Variants in GTF2F2 observed in about 807,000 individuals in gnomAD.
The protein encoded by GTF2F2 is general transcription factor IIF subunit 2, also known as ATP-dependent helicase GTF2F2.
A neutral mutation model predicts 42.2 loss-of-function variants in GTF2F2; 23 were observed. The observed-to-expected ratio is 0.55, with a 90% CI of 0.39 to 0.77. The LOEUF (loss-of-function observed/expected upper bound fraction) is 0.77, where lower values mean the gene tolerates loss of function less well. GTF2F2 is among the 30% of genes least tolerant of loss of function. GTF2F2 has a pLI of 0.00. For missense variants in GTF2F2, 261 were observed against 287.2 expected (o/e 0.91, Z 0.66); for synonymous variants, 105 against 100.8 (o/e 1.04, Z -0.25).
intron 4 of GTF2F2, among the ~76,000 whole-genome samples, chr13:45,154,547 A>T (rs370404149): frequency 1.8e-4 from 27 of 152,316 alleles, no homozygotes; most frequent in African/African-American, 5.3e-4. Context: ...AGTTGCTATT[A>T]GTTATAATAC....
At position 45,173,612 on chromosome 13, in the gene GTF2F2, ATTTTT is replaced by A. The variant is rs56033747; in HGVS notation, c.304+21800_304+21804del. On this transcript the variant is annotated intron_variant, in intron 4 of 7. Coordinates refer to ENST00000340473, the MANE Select transcript of GTF2F2 (RefSeq NM_004128.3). ...TGTTCTGCATTTTTATAACTTTGTC[ATTTTT>A]TTTTTTTTTTTTTTTTTTGAGATGG... 3.2e-5 allele frequency among the ~76,000 whole-genome samples: 3 copies of A among 93,688 alleles called. No homozygotes were observed. The South Asian group carries it at 1.1e-3, about 34-fold the overall frequency. The allele number at this position is 93,688 out of a possible 152,430, so 61.5% of individuals were successfully genotyped here.
rs1869554704 is a variant in GTF2F2 at position 45,135,195 on chromosome 13, CTG to C, written c.67-1537_67-1536del. Among the ~76,000 whole-genome samples the C allele has an allele frequency of 2.6e-5, 4 of 152,174 alleles. No individual in the cohort carries two copies. In the South Asian group the frequency reaches 8.3e-4, roughly 32 times the overall value. Reference sequence around the variant, plus strand: ...TCTAGAACTCCTGACCTCAAGTGATCTGCCCGCCTTGGCCTCCCAAAGTGCTG... The same window carrying C: ...TCTAGAACTCCTGACCTCAAGTGATCCCCGCCTTGGCCTCCCAAAGTGCTG... On this transcript the variant is annotated intron_variant, in intron 1 of 7. Coordinates refer to ENST00000340473, the MANE Select transcript of GTF2F2 (RefSeq NM_004128.3).
At chr13:45,181,878 A>T (rs1357964400) in intron 4 of GTF2F2, among the ~76,000 whole-genome samples, 1 of 152,094 alleles carries the variant, frequency 6.6e-6, no homozygotes, top group African/African-American at 2.4e-5. Flanking sequence ...GCTTTTCTTG[A>T]TGCTTCTATT....
chr13:45,181,197 A>AC, intron 4 of GTF2F2, among the ~76,000 whole-genome samples: 4 of 151,096 alleles, frequency 2.6e-5, no homozygotes, highest in African/African-American at 7.3e-5. Flanking sequence ...AACAAAAAAA[A>AC]AAAAAACCAG....
At chr13:45,198,650 C>T (rs2138179509) in intron 4 of GTF2F2, among the ~76,000 whole-genome samples, 1 of 152,154 alleles carries the variant, frequency 6.6e-6, no homozygotes, top group East Asian at 1.9e-4. Context: ...CTGCTGTCAA[C>T]TTTTTACTTA....
Position 45,191,225 on chromosome 13 carries a change from ATATATAT to A in GTF2F2, c.305-16198_305-16192del, listed in dbSNP as rs1192038867. On this transcript the variant is annotated intron_variant, in intron 4 of 7. Transcript: ENST00000340473. Reference sequence around the variant, plus strand: ...TCTCTACTAAAAATACAAAAAAAAAATATATATATATATATATATATATATATATAGC... The same window carrying A: ...TCTCTACTAAAAATACAAAAAAAAAAATATATATATATATATATATATAGC... Among the ~76,000 whole-genome samples, 113 of 60,352 alleles carry A rather than the reference ATATATAT, an allele frequency of 1.9e-3. 6 individuals are homozygous for A. The highest frequency in any genetic ancestry group is 7.7e-3 in the African/African-American group (101 of 13,076). The allele number at this position is 60,352 out of a possible 152,430, so 39.6% of individuals were successfully genotyped here. A position where few individuals can be genotyped will look rare whatever the true frequency, so the allele number is the denominator to read the frequency against.
chr13:45,209,962 T>A (rs938371942), intron 5 of GTF2F2, among the ~76,000 whole-genome samples: 1 of 152,134 alleles, frequency 6.6e-6, no homozygotes, highest in Non-Finnish European at 1.5e-5. Context: ...ATGTTACACA[T>A]CCATAGTCTG....
intron 4 of GTF2F2, 80 bp downstream of exon 4, chr13:45,151,911 CTTTT>C (rs773005628): frequency 0.012 from 1,737 of 140,566 alleles, no homozygotes; most frequent in South Asian, 0.02. Flanking sequence ...CTCCTATTTG[CTTTT>C]TTTTTTTTTT....
chr13:45,179,792 A>G (rs1371881757), intron 4 of GTF2F2, among the ~76,000 whole-genome samples: 1 of 152,196 alleles, frequency 6.6e-6, no homozygotes, highest in Non-Finnish European at 1.5e-5. Context: ...GGGAGATTTT[A>G]TCTAAATTAA....
At chr13:45,221,661 C>G (rs779234257) in intron 5 of GTF2F2, among the ~76,000 whole-genome samples, 2 of 152,114 alleles carry the variant, frequency 1.3e-5, no homozygotes, top group Admixed American at 6.6e-5. Flanking sequence ...CTTCCTTCCC[C>G]CTATGGACCA....
chr13:45,133,463 C>A (rs1052258502), intron 1 of GTF2F2, among the ~76,000 whole-genome samples: 4 of 152,130 alleles, frequency 2.6e-5, no homozygotes, highest in African/African-American at 9.7e-5. Context: ...GGAGACTCTC[C>A]CAGCACTCCC....
chr13:45,152,619 T>TTTTAA (rs1491169814), intron 4 of GTF2F2, among the ~76,000 whole-genome samples: 1 of 152,252 alleles, frequency 6.6e-6, no homozygotes, highest in African/African-American at 2.4e-5. Context: ...TAGAGATAAC[T>TTTTAA]TTTAATTGAC....
chr13:45,264,603 G>T (rs568098416), intron 6 of GTF2F2, among the ~76,000 whole-genome samples: 1 of 152,058 alleles, frequency 6.6e-6, no homozygotes, highest in Non-Finnish European at 1.5e-5. Context: ...GTAGAATTCG[G>T]TAATTTTCTT....
At chr13:45,171,693 C>T (rs1311465194) in intron 4 of GTF2F2, among the ~76,000 whole-genome samples, 2 of 152,120 alleles carry the variant, frequency 1.3e-5, no homozygotes, top group Non-Finnish European at 2.9e-5. Context: ...TTAGTACATC[C>T]ATCACCACAG....
rs561544054 is a variant in GTF2F2 at position 45,165,448 on chromosome 13, A to C, written c.304+13617A>C. Among the ~76,000 whole-genome samples, 3 of 151,756 alleles carry C rather than the reference A, an allele frequency of 2.0e-5. No homozygotes were observed. In the South Asian group the frequency reaches 6.2e-4, roughly 32 times the overall value. On this transcript the variant is annotated intron_variant, in intron 4 of 7. Transcript: ENST00000340473. Reference sequence around the variant, plus strand: ...ATTTAAAGATTCATATACAGTAAAGAGAAAAATGAAGTATAAAATTGAAGT... The same window carrying C: ...ATTTAAAGATTCATATACAGTAAAGCGAAAAATGAAGTATAAAATTGAAGT...
At chr13:45,175,772 G>A (rs916314064) in intron 4 of GTF2F2, among the ~76,000 whole-genome samples, 1 of 152,032 alleles carries the variant, frequency 6.6e-6, no homozygotes, top group African/African-American at 2.4e-5. Context: ...ACAGGCATGC[G>A]CCGCTACACC....
At chr13:45,275,579 T>G (rs1214884646) in intron 7 of GTF2F2, among the ~76,000 whole-genome samples, 4 of 151,834 alleles carry the variant, frequency 2.6e-5, no homozygotes, top group Non-Finnish European at 5.9e-5. Flanking sequence ...TGAGATAGTT[T>G]GCTCAGAATG....
intron 5 of GTF2F2, among the ~76,000 whole-genome samples, chr13:45,221,895 G>A (rs1323255287): frequency 6.6e-6 from 1 of 152,040 alleles, no homozygotes; most frequent in Non-Finnish European, 1.5e-5. Context: ...TCCCATCTCA[G>A]GGCCCTTCTT....
At chr13:45,262,694 C>G (rs187029188) in intron 6 of GTF2F2, among the ~76,000 whole-genome samples, 2 of 152,264 alleles carry the variant, frequency 1.3e-5, no homozygotes, top group East Asian at 3.9e-4. Flanking sequence ...GCTGAGATAA[C>G]AGGTGTGAGC....
Sources: allele counts gnomAD v4.1 joint callset (sites outside exome capture counted in the v4.1 genomes callset), GRCh38; gene constraint gnomAD v4.1.1; transcripts MANE v1.5; gene names NCBI Gene and HGNC (gene_info 2026-07-23, HGNC 2026-07-21).